MRPL1: variants seen among roughly 807,000 people sequenced by gnomAD.
The protein encoded by MRPL1 is mitochondrial ribosomal protein L1.
MRPL1 carries 28 observed loss-of-function variants against 38.0 expected under a neutral mutation model. That is an observed-to-expected ratio of 0.74 (90% CI 0.55 to 1.01). MRPL1 has a LOEUF of 1.01. MRPL1 is among the 50% of genes least tolerant of loss of function. The pLI is 0.00. For missense variants in MRPL1, 358 were observed against 389.8 expected (o/e 0.92, Z 0.69); for synonymous variants, 123 against 126.7 (o/e 0.97, Z 0.20).
intron 6 of MRPL1, among the ~76,000 whole-genome samples, chr4:77,902,421 A>G (rs1460492819): frequency 6.6e-6 from 1 of 151,854 alleles, no homozygotes; most frequent in Non-Finnish European, 1.5e-5. Context: ...TTAGAAAAGA[A>G]TGGGTTAAAA....
At chr4:77,868,533 G>A (rs1376142643) in intron 1 of MRPL1, among the ~76,000 whole-genome samples, 2 of 152,116 alleles carry the variant, frequency 1.3e-5, no homozygotes, top group East Asian at 1.9e-4. Context: ...GAGCCACCAC[G>A]CCCGACCTGG....
intron 7 of MRPL1, among the ~76,000 whole-genome samples, chr4:77,913,758 T>G (rs1165852031): frequency 6.6e-6 from 1 of 152,166 alleles, no homozygotes; most frequent in Non-Finnish European, 1.5e-5. Flanking sequence ...TGCAGGTGAA[T>G]ATAAAAAAAA....
chr4:77,910,085 T>C (rs968943601), intron 7 of MRPL1, among the ~76,000 whole-genome samples: 1 of 152,218 alleles, frequency 6.6e-6, no homozygotes, highest in Non-Finnish European at 1.5e-5. Flanking sequence ...GTTGCTATTC[T>C]AAACAATTTT....
At chr4:77,896,370 G>C in intron 6 of MRPL1, among the ~76,000 whole-genome samples, 1 of 151,862 alleles carries the variant, frequency 6.6e-6, no homozygotes, top group Non-Finnish European at 1.5e-5. Flanking sequence ...CCCTATTTGC[G>C]TAGGCACCTT....
intron 7 of MRPL1, among the ~76,000 whole-genome samples, chr4:77,945,696 C>T (rs1737246309): frequency 6.6e-6 from 1 of 152,026 alleles, no homozygotes; most frequent in Admixed American, 6.6e-5. Flanking sequence ...GGTGATATCA[C>T]ATATCGCTAG....
chr4:77,940,895 C>G (rs1179851515), intron 7 of MRPL1, among the ~76,000 whole-genome samples: 1 of 152,226 alleles, frequency 6.6e-6, no homozygotes, highest in South Asian at 2.1e-4. Context: ...ATATGAACCC[C>G]AGGTCATAGT....
intron 5 of MRPL1, among the ~76,000 whole-genome samples, chr4:77,893,204 C>T (rs1419261257): frequency 6.6e-6 from 1 of 152,172 alleles, no homozygotes. Context: ...CAACCTCTGC[C>T]TTCCTGGCTT....
At chr4:77,906,881 G>A (rs1189286952) in intron 6 of MRPL1, 1 of 704,536 alleles carries the variant, frequency 1.4e-6, no homozygotes, top group Non-Finnish European at 1.7e-6. Context: ...ATCAGACTGT[G>A]ATACTGAAAA....
intron 7 of MRPL1, among the ~76,000 whole-genome samples, 178 bp from the exon 8 acceptor site, chr4:77,949,619 C>T (rs1268538454): frequency 1.1e-4 from 16 of 152,094 alleles, no homozygotes; most frequent in Admixed American, 2.0e-4. Flanking sequence ...TAAATCTTGA[C>T]ATGTGAAGAC....
chr4:77,939,582 G>T (rs1737070304), intron 7 of MRPL1, among the ~76,000 whole-genome samples: 1 of 152,124 alleles, frequency 6.6e-6, no homozygotes, highest in South Asian at 2.1e-4. Context: ...TGTTGCATTT[G>T]CTTTTGGGTT....
chr4:77,937,697 G>A (rs892543368), intron 7 of MRPL1, among the ~76,000 whole-genome samples: 3 of 152,084 alleles, frequency 2.0e-5, no homozygotes, highest in Non-Finnish European at 4.4e-5. Flanking sequence ...CCTTTTTGGT[G>A]GCCTTAATTG....
rs1735585046 is a variant in MRPL1 at position 77,883,185 on chromosome 4, T to TA, written c.144-57_144-56insA. 7 of 1,173,006 alleles carry TA rather than the reference T, an allele frequency of 6.0e-6. No individual in the cohort carries two copies. The African/African-American group carries it at 7.8e-5, about 13-fold the overall frequency. 72.7% of individuals were successfully genotyped at this position (1,173,006 alleles called of 1,614,324 possible). A position where few individuals can be genotyped will look rare whatever the true frequency, so the allele number is the denominator to read the frequency against. On this transcript the variant is annotated intron_variant, in intron 2 of 8. Transcript: ENST00000315567. ...TCTCTTATGTACACTGGCTTTTTTT[T>TA]TAAAAAAAATCTCTTAGGATATATA...
chr4:77,908,046 T>C (rs1736199388), intron 6 of MRPL1, among the ~76,000 whole-genome samples: 1 of 150,732 alleles, frequency 6.6e-6, no homozygotes, highest in Non-Finnish European at 1.5e-5. Context: ...TACAGGTGCC[T>C]GCCACCATGC....
At chr4:77,892,233 G>A (rs1245667187) in intron 5 of MRPL1, among the ~76,000 whole-genome samples, 1 of 151,846 alleles carries the variant, frequency 6.6e-6, no homozygotes, top group Non-Finnish European at 1.5e-5. Flanking sequence ...CCGGGTTCAA[G>A]CAATTCTCCT....
intron 7 of MRPL1, among the ~76,000 whole-genome samples, chr4:77,942,613 A>C (rs1737162062): frequency 6.6e-6 from 1 of 152,164 alleles, no homozygotes; most frequent in South Asian, 2.1e-4. Context: ...GTCTTTATAT[A>C]ATGTCAAAAT....
chr4:77,897,282 G>A (rs1463905861), intron 6 of MRPL1, among the ~76,000 whole-genome samples: 2 of 151,990 alleles, frequency 1.3e-5, no homozygotes, highest in African/African-American at 4.8e-5. Context: ...TCGAACTTCT[G>A]ACCTCAGGTA....
At position 77,891,513 on chromosome 4, in the gene MRPL1, G is replaced by A. The variant is rs536053655; in HGVS notation, c.559-2626G>A. 5.7e-4 allele frequency among the ~76,000 whole-genome samples: 86 copies of A among 152,052 alleles called. 1 individual carries two copies. Among genetic ancestry groups the A allele is most frequent in the African/African-American group, 1.9e-3 (78 of 41,468 alleles). On this transcript the variant is annotated intron_variant, in intron 5 of 8. Coordinates refer to ENST00000315567, the MANE Select transcript of MRPL1 (RefSeq NM_020236.4). ...TGGGATTACAGGCGCCTGCCACTGT[G>A]CCCAGCTAATTTTTGTATTTTTAGT...
chr4:77,925,940 T>G (rs1736703882), intron 7 of MRPL1, among the ~76,000 whole-genome samples: 1 of 152,212 alleles, frequency 6.6e-6, no homozygotes, highest in Non-Finnish European at 1.5e-5. Flanking sequence ...TATGGACACT[T>G]GAAAATAACA....
At position 77,862,861 on chromosome 4, in the gene MRPL1, G is replaced by GT. The variant is rs1735031518; in HGVS notation, c.14dup (p.Arg6LysfsTer5). The GT allele has an allele frequency of 1.2e-6, 2 of 1,613,988 alleles. No individual in the cohort carries two copies. The highest frequency in any genetic ancestry group is 1.7e-5 in the Admixed American group (1 of 59,984). ...CGGAGTGCCCAACATGGCGGCGGCC[G>GT]TAAGGTGCATGGGTAGAGGTAAGGC... On this transcript the variant is annotated frameshift_variant, in exon 1 of 9. Transcript: ENST00000315567. LOFTEE classifies it high-confidence loss of function.
Sources: allele counts gnomAD v4.1 joint callset (sites outside exome capture counted in the v4.1 genomes callset), GRCh38; gene constraint gnomAD v4.1.1; transcripts MANE v1.5; gene names NCBI Gene and HGNC (gene_info 2026-07-23, HGNC 2026-07-21).